Variants in MPPED1 observed in about 807,000 individuals in gnomAD.
MPPED1 encodes metallophosphoesterase domain containing 1, also known as metallophosphoesterase domain-containing protein 1.
A neutral mutation model predicts 36.2 loss-of-function variants in MPPED1; 16 were observed. The ratio of observed to expected loss-of-function variants is 0.44; its 90% CI spans 0.30 to 0.67. The LOEUF is 0.67. Ranked by LOEUF, MPPED1 falls within the 30% of genes least tolerant of loss-of-function variation. MPPED1 has a pLI of 0.10. For missense variants in MPPED1, 307 were observed against 453.4 expected (o/e 0.68, Z 2.93); for synonymous variants, 199 against 191.3 (o/e 1.04, Z -0.33).
intron 5 of MPPED1, among the ~76,000 whole-genome samples, chr22:43,500,194 A>AGGTGGC (rs1932641961): frequency 2.1e-4 from 3 of 14,172 alleles, no homozygotes; most frequent in Admixed American, 8.4e-4. Context: ...ATGGTGATGG[A>AGGTGGC]GGTGGTAATG....
chr22:43,418,552 C>A (rs566118288), intron 1 of MPPED1: 68 of 178,158 alleles, frequency 3.8e-4, no homozygotes, highest in Non-Finnish European at 6.9e-4. Context: ...TTGGTGGGGG[C>A]CTTCTTAGGG....
At chr22:43,433,065 T>TG (rs768760286) in intron 2 of MPPED1, among the ~76,000 whole-genome samples, 91 of 151,874 alleles carry the variant, frequency 6.0e-4, no homozygotes, top group African/African-American at 1.8e-3. Flanking sequence ...CAGCTGTGTG[T>TG]GGGGGGGCGG....
In MPPED1 at chr22:43,424,957, G is replaced by C. The variant is rs1439569875; in HGVS notation, c.-29G>C. The C allele has an allele frequency of 1.9e-6, 3 of 1,555,310 alleles. No individual in the cohort carries two copies. The highest frequency in any genetic ancestry group is 2.6e-6 in the Non-Finnish European group (3 of 1,151,692). ...CCGGGCTGCGGTGGCGGCAGCGGTG[G>C]GAGATGCCGGGGCGGCCGGCGGAGG... On this transcript the variant is annotated 5_prime_UTR_variant, in exon 2 of 7. Coordinates refer to ENST00000443721, the MANE Select transcript of MPPED1 (RefSeq NM_001044370.2).
intron 4 of MPPED1, among the ~76,000 whole-genome samples, chr22:43,491,374 T>C (rs913246470): frequency 6.6e-6 from 1 of 151,956 alleles, no homozygotes; most frequent in African/African-American, 2.4e-5. Context: ...TTGATAATGG[T>C]AGTGGTGATG....
At chr22:43,437,032 A>T (rs1478741865) in intron 3 of MPPED1, among the ~76,000 whole-genome samples, 2 of 152,102 alleles carry the variant, frequency 1.3e-5, no homozygotes, top group Non-Finnish European at 2.9e-5. Flanking sequence ...TGCTGCCTGG[A>T]AGTGTTTGCA....
chr22:43,460,230 CAAAAACAAAAACAAAAACAA>C (rs1335333763), intron 3 of MPPED1, among the ~76,000 whole-genome samples: 7 of 116,772 alleles, frequency 6.0e-5, no homozygotes, highest in South Asian at 3.3e-4. Flanking sequence ...AAAACAAAAA[CAAAAACAAAAACAAAAACAA>C]AAACAAACCC....
At chr22:43,499,579 AGGTGGTGGTGGTAGTGGAGGTGGTGGT>A (rs1932562845) in intron 5 of MPPED1, among the ~76,000 whole-genome samples, 1 of 28,974 alleles carries the variant, frequency 3.5e-5, no homozygotes, top group Non-Finnish European at 6.5e-5. Context: ...GTGGTAGTGG[AGGTGGTGGTGGTAGTGGAGGTGGTGGT>A]GGTGGTGATG....
chr22:43,422,182 G>A (rs903706482), intron 1 of MPPED1, among the ~76,000 whole-genome samples: 3 of 152,230 alleles, frequency 2.0e-5, no homozygotes, highest in African/African-American at 4.8e-5. Flanking sequence ...GGGCAGAGGC[G>A]GAAGCCAGGC....
At chr22:43,443,630 G>T (rs551691364) in intron 3 of MPPED1, among the ~76,000 whole-genome samples, 3 of 151,894 alleles carry the variant, frequency 2.0e-5, no homozygotes, top group Non-Finnish European at 4.4e-5. Flanking sequence ...AAGGAATGAG[G>T]AAAGAGAAGA....
Position 43,474,928 on chromosome 22 carries a change from C to A in MPPED1, c.599C>A (p.Thr200Asn). 1.2e-6 allele frequency: 2 copies of A among 1,614,018 alleles called. No individual in the cohort carries two copies. Among genetic ancestry groups the A allele is most frequent in the Non-Finnish European group, 1.7e-6 (2 of 1,179,892 alleles). Residue 200 changes from threonine (T) to asparagine (N), a missense_variant, in exon 4 of 7, where the codon ACC becomes AAC. This residue lies in a region of MPPED1 where 132 missense variants were observed against 212.3 expected (regional missense o/e 0.62). Coordinates refer to ENST00000443721, the MANE Select transcript of MPPED1 (RefSeq NM_001044370.2). This position sits in a 1 kb window ranked among gnomAD's most constrained non-coding sequence, Gnocchi z 5.2. ...NCIYLQDSEV[T>N]VRGFRIYGSP... Reference sequence around the variant, plus strand: ...ATCTACCTTCAGGACTCGGAGGTCACCGTGCGGGGCTTCCGGATCTATGGC... The same window carrying A: ...ATCTACCTTCAGGACTCGGAGGTCAACGTGCGGGGCTTCCGGATCTATGGC...
At chr22:43,424,780 G>C (rs1929399269) in intron 1 of MPPED1, 128 bp from the exon 2 acceptor site, 2 of 1,162,014 alleles carry the variant, frequency 1.7e-6, no homozygotes, top group Admixed American at 3.3e-5. Context: ...ATGAGTTTTT[G>C]AGCTGTACGA....
chr22:43,494,713 G>GAGGTGA (rs1932203317), intron 4 of MPPED1, among the ~76,000 whole-genome samples: 1 of 151,674 alleles, frequency 6.6e-6, no homozygotes, highest in Non-Finnish European at 1.5e-5. Context: ...GGTGGTGGTG[G>GAGGTGA]TGGTGGTGGT....
intron 1 of MPPED1, among the ~76,000 whole-genome samples, chr22:43,419,540 C>T (rs912479454): frequency 1.3e-5 from 2 of 151,492 alleles, no homozygotes; most frequent in Non-Finnish European, 2.9e-5. Context: ...GGGAGTGGGG[C>T]TGGGGCCAGG....
At chr22:43,460,270 C>CT (rs1221695738) in intron 3 of MPPED1, among the ~76,000 whole-genome samples, 1 of 147,704 alleles carries the variant, frequency 6.8e-6, no homozygotes, top group Non-Finnish European at 1.5e-5. Context: ...CAAACCCCCC[C>CT]CCCCAAACCC....
intron 2 of MPPED1, among the ~76,000 whole-genome samples, chr22:43,433,042 C>T (rs558492835): frequency 2.6e-5 from 4 of 152,034 alleles, no homozygotes; most frequent in Admixed American, 2.0e-4. Context: ...CAATTGGCTG[C>T]CCTTGGTCTG....
At chr22:43,427,865 C>G (rs554515039) in intron 2 of MPPED1, among the ~76,000 whole-genome samples, 46 of 152,250 alleles carry the variant, frequency 3.0e-4, no homozygotes, top group Non-Finnish European at 4.6e-4. Flanking sequence ...GTCCTCACCC[C>G]CCGTGACACT....
At chr22:43,495,489 A>AAGTGCTGGTTATGGTGGT (rs1193574349) in intron 4 of MPPED1, among the ~76,000 whole-genome samples, 3 of 10,478 alleles carry the variant, frequency 2.9e-4, no homozygotes, top group Non-Finnish European at 3.0e-4. Flanking sequence ...GTGGTGGTGG[A>AAGTGCTGGTTATGGTGGT]GGTAGTGGTG....
At chr22:43,434,973 C>A in intron 2 of MPPED1, 61 bp from the exon 3 acceptor site, 1 of 1,550,986 alleles carries the variant, frequency 6.4e-7, no homozygotes, top group Admixed American at 1.7e-5. Context: ...GCTGCAGACA[C>A]ACCACCCGCA....
intron 3 of MPPED1, among the ~76,000 whole-genome samples, chr22:43,450,325 G>C (rs566843569): frequency 6.6e-6 from 1 of 152,362 alleles, no homozygotes; most frequent in South Asian, 2.1e-4. Context: ...CCCTGAGAAG[G>C]TCATCACTCC....
Sources: allele counts gnomAD v4.1 joint callset (sites outside exome capture counted in the v4.1 genomes callset), GRCh38; gene constraint gnomAD v4.1.1; regional missense constraint gnomAD v4.1.1; non-coding constraint Gnocchi (gnomAD v3.1); transcripts MANE v1.5; gene names NCBI Gene and HGNC (gene_info 2026-07-23, HGNC 2026-07-21).